Variants in DHX37 observed in about 807,000 individuals in gnomAD.
DHX37 encodes DEAH-box helicase 37.
Under a neutral mutation model 134.3 loss-of-function variants are expected in DHX37, and 52 were observed. That is an observed-to-expected ratio of 0.39 (90% CI 0.31 to 0.49). The LOEUF is 0.49. DHX37 is among the 20% of genes least tolerant of loss of function. The pLI, the probability that DHX37 is intolerant of heterozygous loss-of-function variation, is 0.93. For synonymous variants in DHX37, 634 were observed against 670.7 expected (o/e 0.95, Z 0.85); for missense variants, 1,344 against 1,580.8 (o/e 0.85, Z 2.54).
chr12:124,968,458 G>A, intron 10 of DHX37, 76 bp downstream of exon 10: 1 of 1,580,900 alleles, frequency 6.3e-7, no homozygotes, highest in African/African-American at 1.3e-5. Context: ...CTCGGAGATG[G>A]GCCCTCCCAC....
intron 6 of DHX37, among the ~76,000 whole-genome samples, chr12:124,974,941 T>A (rs574656275): frequency 2.6e-4 from 39 of 152,050 alleles, no homozygotes; most frequent in African/African-American, 8.0e-4. Context: ...CACACCTGGC[T>A]CATCTTGTAT....
chr12:124,976,939 GA>G (rs779461950), intron 5 of DHX37, among the ~76,000 whole-genome samples: 2 of 143,262 alleles, frequency 1.4e-5, no homozygotes, highest in Non-Finnish European at 3.2e-5. Flanking sequence ...CCCAGCTGTT[GA>G]GGAGGCTGAG....
chr12:124,963,300 C>T (rs910579270), intron 15 of DHX37, among the ~76,000 whole-genome samples: 1 of 152,190 alleles, frequency 6.6e-6, no homozygotes, highest in African/African-American at 2.4e-5. Context: ...TTGCCCACAA[C>T]AGGCACATCC....
chr12:124,949,966 G>A lies in DHX37; in HGVS notation c.3290+20C>T. ...TCGGACCCCTCCTGCCCACTGCGAG[G>A]CTCCCACCGAAGGCAGTACCTGGCC... On this transcript the variant is annotated intron_variant, in intron 25 of 26. Transcript: ENST00000308736. The surrounding 1 kb of genome is among the most constrained non-coding windows in gnomAD (Gnocchi z 4.0). The A allele has an allele frequency of 6.3e-7, 1 of 1,597,366 alleles. No individual in the cohort carries two copies. The highest frequency in any genetic ancestry group is 8.5e-7 in the Non-Finnish European group (1 of 1,170,186).
intron 16 of DHX37, among the ~76,000 whole-genome samples, chr12:124,957,850 GTC>G (rs1367783536): frequency 6.6e-6 from 1 of 152,166 alleles, no homozygotes; most frequent in Non-Finnish European, 1.5e-5. Context: ...CAACCTGTGC[GTC>G]TCTGAATGGA....
chr12:124,960,848 G>C (rs1461542932), intron 15 of DHX37, among the ~76,000 whole-genome samples: 1 of 152,208 alleles, frequency 6.6e-6, no homozygotes, highest in African/African-American at 2.4e-5. Flanking sequence ...CCAGCTACTC[G>C]GGAGGCTGAG....
intron 16 of DHX37, 39 bp downstream of exon 16, chr12:124,960,273 C>G: frequency 6.3e-7 from 1 of 1,594,552 alleles, no homozygotes; most frequent in Non-Finnish European, 8.6e-7. Context: ...AGGTGGTCCA[C>G]TGGGGTGGCT....
chr12:124,964,458 A>G lies in DHX37; in HGVS notation c.1981T>C (p.Ser661Pro), dbSNP rs148260311. The stretch of plus-strand genomic sequence containing the variant: ...GCTCGCTGGTCAGCTGATGCCTGGG[A>G]GACCCAGGTGACACGGAAGGAGGAT... Reference protein sequence around the residue: ...GVSSFRVTWVSQASADQRAGR... With the variant: ...GVSSFRVTWVPQASADQRAGR... The change falls in exon 15 of 27, where the codon TCC becomes CCC. Residue 661 changes from serine to proline, a missense_variant. Ser to Pro is a moderately conservative substitution (Grantham distance 74). Around this residue, in one of 7 missense-constraint regions of DHX37, gnomAD observed 39 missense variants for 87.9 expected, o/e 0.44. Coordinates refer to ENST00000308736, the MANE Select transcript of DHX37 (RefSeq NM_032656.4). 1 of 1,614,054 alleles carries G rather than the reference A, an allele frequency of 6.2e-7. No homozygotes were observed. Among genetic ancestry groups the G allele is most frequent in the African/African-American group, 1.3e-5 (1 of 74,938 alleles).
At chr12:124,974,637 T>C (rs1954594471) in intron 6 of DHX37, among the ~76,000 whole-genome samples, 1 of 151,462 alleles carries the variant, frequency 6.6e-6, no homozygotes, top group African/African-American at 2.4e-5. Context: ...TTGTGCCTTC[T>C]GGATTTTAGA....
At chr12:124,988,485 C>T (rs1184108978) in intron 1 of DHX37, among the ~76,000 whole-genome samples, 1 of 152,136 alleles carries the variant, frequency 6.6e-6, no homozygotes, top group African/African-American at 2.4e-5. Flanking sequence ...TCTGCTATGT[C>T]TCCAGTGCCT....
intron 5 of DHX37, among the ~76,000 whole-genome samples, chr12:124,976,625 C>T (rs556753949): frequency 1.3e-5 from 2 of 152,102 alleles, no homozygotes; most frequent in East Asian, 1.9e-4. Flanking sequence ...GTCAGGAGAT[C>T]GAGACCATCC....
At position 124,954,402 on chromosome 12, in the gene DHX37, T is replaced by C. The variant is rs114860846; in HGVS notation, c.2454-191A>G. Among the ~76,000 whole-genome samples the C allele has an allele frequency of 8.1e-3, 1,231 of 152,154 alleles. 16 individuals are homozygous for C. Among genetic ancestry groups the C allele is most frequent in the African/African-American group, 0.028 (1,145 of 41,502 alleles). ...ACCGCTGCACTGTTGTTCTTTTTTT[T>C]TTCTTTTTTTTGAGACAGAGTCTCG... On this transcript the variant is annotated intron_variant, in intron 18 of 26. Coordinates refer to ENST00000308736, the MANE Select transcript of DHX37 (RefSeq NM_032656.4).
At chr12:124,956,565 T>C in intron 18 of DHX37, 126 bp downstream of exon 18, 3 of 1,236,334 alleles carry the variant, frequency 2.4e-6, no homozygotes, top group Non-Finnish European at 3.2e-6. Context: ...CTCAGCTCAC[T>C]GCAACCTCTA....
chr12:124,984,048 C>A (rs896616877), intron 2 of DHX37, among the ~76,000 whole-genome samples: 12 of 152,204 alleles, frequency 7.9e-5, no homozygotes, highest in African/African-American at 2.9e-4. Context: ...CTGTTAACAG[C>A]ATCCCATGGC....
chr12:124,956,676 C>A lies in DHX37; in HGVS notation c.2453+15G>T, dbSNP rs1220972091. The A allele has an allele frequency of 5.2e-6, 8 of 1,526,570 alleles. No homozygotes were observed. The highest frequency in any genetic ancestry group is 6.2e-6 in the Non-Finnish European group (7 of 1,130,752). 94.6% of individuals were successfully genotyped at this position (1,526,570 alleles called of 1,614,324 possible). ...ACTGAGCTTGGCCCTGAGTGCCCAG[C>A]CGCCAACCTCGCACCTGTCCAGCTC... On this transcript the variant is annotated intron_variant, in intron 18 of 26. Coordinates refer to ENST00000308736, the MANE Select transcript of DHX37 (RefSeq NM_032656.4).
At chr12:124,966,711 A>C (rs1594491170) in intron 12 of DHX37, 82 bp downstream of exon 12, 16 of 1,394,712 alleles carry the variant, frequency 1.1e-5, no homozygotes, top group Non-Finnish European at 1.6e-5. Flanking sequence ...ACTTAAACCT[A>C]AGCAGCCACA....
At chr12:124,986,054 T>C in intron 2 of DHX37, 42 bp downstream of exon 2, 1 of 1,609,462 alleles carries the variant, frequency 6.2e-7, no homozygotes, top group Non-Finnish European at 8.5e-7. Flanking sequence ...TCTCTCTCTA[T>C]GCTGGAGAGC....
chr12:124,960,158 G>C (rs980679754), intron 16 of DHX37, among the ~76,000 whole-genome samples, 154 bp downstream of exon 16: 1 of 152,230 alleles, frequency 6.6e-6, no homozygotes, highest in Non-Finnish European at 1.5e-5. Context: ...GGTCACAGGA[G>C]CCCAGAAGCC....
At chr12:124,973,986 C>T (rs1039035085) in intron 6 of DHX37, among the ~76,000 whole-genome samples, 55 of 138,482 alleles carry the variant, frequency 4.0e-4, no homozygotes, top group African/African-American at 1.5e-3. Context: ...CTCGCTCTTT[C>T]GCCCAGGCCA....
Sources: allele counts gnomAD v4.1 joint callset (sites outside exome capture counted in the v4.1 genomes callset), GRCh38; gene constraint gnomAD v4.1.1; regional missense constraint gnomAD v4.1.1; non-coding constraint Gnocchi (gnomAD v3.1); transcripts MANE v1.5; gene names NCBI Gene and HGNC (gene_info 2026-07-23, HGNC 2026-07-21).